Variants in CSF1R observed in about 807,000 individuals in gnomAD.
CSF1R encodes colony stimulating factor 1 receptor.
In CSF1R, 40 loss-of-function variants were observed where a neutral mutation model predicts 110.0. That is an observed-to-expected ratio of 0.36 (90% CI 0.28 to 0.47). The LOEUF is 0.47. Ranked by LOEUF, CSF1R falls within the 20% of genes least tolerant of loss-of-function variation. The pLI, the probability that CSF1R is intolerant of heterozygous loss-of-function variation, is 0.99. For synonymous variants in CSF1R, 523 were observed against 503.4 expected (o/e 1.04, Z -0.52); for missense variants, 1,052 against 1,253.0 (o/e 0.84, Z 2.42).
rs757704515 is a variant in CSF1R at position 150,079,052 on chromosome 5, A to T, written c.593-804T>A. ...CACAGTAGGCCTTGAATTCATATTT[A>T]TGCCCATTGCTGCTGTTGAAAGATA... On this transcript the variant is annotated intron_variant, in intron 3 of 20. Coordinates refer to ENST00000675795, the MANE Select transcript of CSF1R (RefSeq NM_001288705.3). 3.5e-4 allele frequency among the ~76,000 whole-genome samples: 53 copies of T among 152,220 alleles called. 3 individuals carry two copies. The highest frequency in any genetic ancestry group is 1.3e-4 in the Non-Finnish European group (9 of 68,040).
At chr5:150,081,176 C>A in intron 1 of CSF1R, 152 bp from the exon 2 acceptor site, 2 of 823,310 alleles carry the variant, frequency 2.4e-6, no homozygotes, top group Non-Finnish European at 3.8e-6. Context: ...GTCATTTGCT[C>A]AGCTCCTAAC....
intron 2 of CSF1R, 124 bp downstream of exon 2, chr5:150,080,643 G>C: frequency 8.0e-7 from 1 of 1,253,344 alleles, no homozygotes; most frequent in Non-Finnish European, 1.1e-6. Context: ...AGCTCTTCCA[G>C]GTCCTTGCTC....
intron 4 of CSF1R, 149 bp downstream of exon 4, chr5:150,077,963 T>A: frequency 1.1e-6 from 1 of 883,362 alleles, no homozygotes; most frequent in Non-Finnish European, 1.7e-6. Context: ...GAGTGAGATC[T>A]CGGGTGAGTC....
At chr5:150,098,749 G>A (rs1032097731) in intron 1 of CSF1R, among the ~76,000 whole-genome samples, 1 of 151,956 alleles carries the variant, frequency 6.6e-6, no homozygotes, top group Non-Finnish European at 1.5e-5. Flanking sequence ...CCATATAAAA[G>A]ATGCTCAATA....
At chr5:150,082,184 C>G (rs574350257) in intron 1 of CSF1R, among the ~76,000 whole-genome samples, 89 of 152,352 alleles carry the variant, frequency 5.8e-4, no homozygotes, top group African/African-American at 2.0e-3. Context: ...CCTGGCCATC[C>G]AACTCCTCAG....
intron 10 of CSF1R, among the ~76,000 whole-genome samples, chr5:150,067,571 T>C (rs1757828450): frequency 6.6e-6 from 1 of 152,220 alleles, no homozygotes; most frequent in Non-Finnish European, 1.5e-5. Context: ...AAGCACACTA[T>C]ACGCAACATG....
intron 10 of CSF1R, among the ~76,000 whole-genome samples, chr5:150,067,787 C>T (rs937280010): frequency 2.0e-5 from 3 of 152,144 alleles, no homozygotes; most frequent in Non-Finnish European, 2.9e-5. Flanking sequence ...CCCAGGGCTG[C>T]GCTGCCTCAG....
At chr5:150,054,266 C>G (rs1314009360) in intron 20 of CSF1R, 42 bp from the exon 21 acceptor site, 1 of 1,613,556 alleles carries the variant, frequency 6.2e-7, no homozygotes, top group African/African-American at 1.3e-5. Flanking sequence ...CCAGATCCAT[C>G]AGGCCCAGCC....
At chr5:150,085,031 C>T (rs1758774327) in intron 1 of CSF1R, among the ~76,000 whole-genome samples, 1 of 152,070 alleles carries the variant, frequency 6.6e-6, no homozygotes, top group Admixed American at 6.5e-5. Flanking sequence ...GTAATCCCAA[C>T]ACTTTGGGAG....
chr5:150,095,277 G>A (rs186501629), intron 1 of CSF1R, among the ~76,000 whole-genome samples: 5 of 152,198 alleles, frequency 3.3e-5, no homozygotes, highest in South Asian at 2.1e-4. Context: ...GAATAAAATC[G>A]TAAATGATTG....
intron 10 of CSF1R, 91 bp from the exon 11 acceptor site, chr5:150,061,940 G>T: frequency 1.3e-6 from 2 of 1,573,914 alleles, no homozygotes; most frequent in Non-Finnish European, 1.7e-6. Context: ...GGTGTGGGCA[G>T]TCCCAAGGCG....
chr5:150,060,626 C>G (rs1757464465), intron 13 of CSF1R, among the ~76,000 whole-genome samples: 1 of 152,178 alleles, frequency 6.6e-6, no homozygotes, highest in Non-Finnish European at 1.5e-5. Context: ...TTCATCTCCT[C>G]CTCCAAGGGC....
intron 14 of CSF1R, 25 bp from the exon 15 acceptor site, chr5:150,057,617 G>A (rs772597939): frequency 3.1e-6 from 5 of 1,588,740 alleles, no homozygotes; most frequent in Middle Eastern, 1.7e-4. Context: ...GGGTTGGGGG[G>A]CAGAGGTCAC....
At chr5:150,087,713 CA>C (rs1758898764), upstream of CSF1R, among the ~76,000 whole-genome samples, 1 of 151,988 alleles carries the variant, frequency 6.6e-6, no homozygotes, top group Admixed American at 6.6e-5. Flanking sequence ...CTCTAAAGAA[CA>C]TGGTCATTTC....
chr5:150,071,516 G>C (rs1196553506), intron 6 of CSF1R, among the ~76,000 whole-genome samples: 1 of 152,152 alleles, frequency 6.6e-6, no homozygotes, highest in Non-Finnish European at 1.5e-5. Context: ...CATATACAAG[G>C]CCTCTGCCCA....
rs188465361 is a variant in CSF1R at position 150,074,121 on chromosome 5, A to G, written c.890-628T>C. ...GGATAGTCGGAGTCCTACAAGGGGA[A>G]AGCCTTCCTGGCAGGGCTGAGAGTT... On this transcript the variant is annotated intron_variant, in intron 5 of 20. Transcript: ENST00000675795. 2.9e-3 allele frequency among the ~76,000 whole-genome samples: 437 copies of G among 152,300 alleles called. 1 individual carries two copies. Among genetic ancestry groups the G allele is most frequent in the African/African-American group, 0.01 (423 of 41,556 alleles).
chr5:150,070,496 T>C lies in CSF1R; in HGVS notation c.1158A>G (p.Pro386=). The C allele has an allele frequency of 6.4e-7, 1 of 1,558,112 alleles. No homozygotes were observed. Among genetic ancestry groups the C allele is most frequent in the Admixed American group, 2.0e-5 (1 of 51,112 alleles). ...CAAACGTCAGAGCTCTCCAGCCTCC[T>C]GGGTTTCTGGCCAGGAAGGAGTAGC... The part of the protein sequence containing the change: ...AGRYSFLARN[P]GGWRALTFEL... The change falls in exon 7 of 21, where the codon CCA becomes CCG. Residue 386 remains proline, a synonymous_variant. Transcript: ENST00000675795.
At chr5:150,056,787 G>T (rs905441910) in intron 16 of CSF1R, among the ~76,000 whole-genome samples, 4 of 152,168 alleles carry the variant, frequency 2.6e-5, no homozygotes, top group African/African-American at 9.7e-5. Flanking sequence ...CTGAGGCACA[G>T]AATTTAAATA....
Position 150,057,486 on chromosome 5 carries a change from G to A in CSF1R, c.2221+18C>T. The A allele has an allele frequency of 6.2e-7, 1 of 1,613,220 alleles. No individual in the cohort carries two copies. Among genetic ancestry groups the A allele is most frequent in the Non-Finnish European group, 8.5e-7 (1 of 1,179,164 alleles). Reference sequence around the variant, plus strand: ...CTTGTTATCAAGCAAATGGGGCCTGGCCCTGGGACCTCCTCACCTTGCTCA... The same window carrying A: ...CTTGTTATCAAGCAAATGGGGCCTGACCCTGGGACCTCCTCACCTTGCTCA... On this transcript the variant is annotated intron_variant, in intron 15 of 20. Coordinates refer to ENST00000675795, the MANE Select transcript of CSF1R (RefSeq NM_001288705.3).
Sources: gnomAD v4.1 joint callset for allele counts (sites outside exome capture counted in the v4.1 genomes callset) on GRCh38, gnomAD v4.1.1 for gene constraint, MANE v1.5 for transcripts, NCBI Gene and HGNC (gene_info 2026-07-23, HGNC 2026-07-21) for gene names.